Variants in EPS8 observed in about 807,000 individuals in gnomAD.
EPS8 encodes epidermal growth factor receptor kinase substrate 8.
Under a neutral mutation model 103.8 loss-of-function variants are expected in EPS8, and 42 were observed. The ratio of observed to expected loss-of-function variants is 0.40; its 90% CI spans 0.32 to 0.52. The LOEUF is 0.52. Among genes scored for constraint, EPS8 ranks in the 20% least tolerant of loss-of-function variants. The probability of loss-of-function intolerance (pLI) is 0.40; values close to 1 mark genes in which losing one functional copy is unlikely to be tolerated. For synonymous variants in EPS8, 344 were observed against 344.6 expected (o/e 1.00, Z 0.02); for missense variants, 969 against 1,005.1 (o/e 0.96, Z 0.49).
At chr12:15,715,034 C>A (rs1468791724) in intron 1 of EPS8, among the ~76,000 whole-genome samples, 2 of 152,180 alleles carry the variant, frequency 1.3e-5, no homozygotes, top group African/African-American at 4.8e-5. Flanking sequence ...ACATGCCACC[C>A]ACATCTCCTT....
At chr12:15,689,135 C>CTT (rs145792961) in intron 1 of EPS8, among the ~76,000 whole-genome samples, 250 of 146,784 alleles carry the variant, frequency 1.7e-3, no homozygotes, top group African/African-American at 6.0e-3. Flanking sequence ...ACTTATATCC[C>CTT]TTTTTTTTTT....
Position 15,769,196 on chromosome 12 carries a change from T to C in EPS8, c.-22+19965A>G, listed in dbSNP as rs1227543103. 6.6e-6 allele frequency among the ~76,000 whole-genome samples: 1 copy of C among 152,106 alleles called. No homozygotes were observed. The highest frequency in any genetic ancestry group is 1.5e-5 in the Non-Finnish European group (1 of 68,020). On this transcript the variant is annotated intron_variant, in intron 1 of 20. Coordinates refer to ENST00000281172, the MANE Select transcript of EPS8 (RefSeq NM_004447.6). The surrounding 1 kb of genome is among the most constrained non-coding windows in gnomAD (Gnocchi z 4.6). ...GAAAAAAACAGGAGTTCTCTGTCTA[T>C]AGAATAATGTTGGCAAAATAAATTG...
At chr12:15,625,583 A>T (rs891452302) in intron 18 of EPS8, among the ~76,000 whole-genome samples, 2 of 151,838 alleles carry the variant, frequency 1.3e-5, no homozygotes, top group African/African-American at 4.8e-5. Flanking sequence ...ACTTTGCTAA[A>T]CTCCAGCCAA....
At chr12:15,639,275 G>A (rs1253028188) in intron 17 of EPS8, among the ~76,000 whole-genome samples, 1 of 152,020 alleles carries the variant, frequency 6.6e-6, no homozygotes, top group Non-Finnish European at 1.5e-5. Flanking sequence ...GAAAGAAAAT[G>A]AAGAACTGGT....
chr12:15,643,242 A>T (rs1377355903), intron 15 of EPS8, among the ~76,000 whole-genome samples: 1 of 152,136 alleles, frequency 6.6e-6, no homozygotes, highest in Non-Finnish European at 1.5e-5. Context: ...GATCTGCAAG[A>T]TAATCACTAT....
rs1169519515 is a variant in EPS8 at position 15,749,505 on chromosome 12, G to C, written c.-22+39656C>G. ...AATTTGTTTCCAAGATATATGTTCA[G>C]TCCAAAATAGAAAATAATCTCCTTA... On this transcript the variant is annotated intron_variant, in intron 1 of 20. Coordinates refer to ENST00000281172, the MANE Select transcript of EPS8 (RefSeq NM_004447.6). This position sits in a 1 kb window ranked among gnomAD's most constrained non-coding sequence, Gnocchi z 4.0. Among the ~76,000 whole-genome samples the C allele has an allele frequency of 6.6e-6, 1 of 152,098 alleles. No individual in the cohort carries two copies. Among genetic ancestry groups the C allele is most frequent in the East Asian group, 1.9e-4 (1 of 5,194 alleles).
At chr12:15,671,186 T>C (rs1253412619) in intron 3 of EPS8, among the ~76,000 whole-genome samples, 5 of 152,176 alleles carry the variant, frequency 3.3e-5, no homozygotes, top group African/African-American at 1.2e-4. Context: ...ATAAATATTA[T>C]AAGAAAAAAA....
intron 16 of EPS8, 78 bp downstream of exon 16, chr12:15,641,644 A>G: frequency 6.4e-6 from 4 of 620,504 alleles, no homozygotes; most frequent in Middle Eastern, 4.5e-4. Context: ...CTTTTGAAGG[A>G]AAGTTTAGTT....
rs112408195 is a variant in EPS8 at position 15,654,025 on chromosome 12, AG to A, written c.1250+119del. 9.3e-4 allele frequency: 850 copies of A among 912,438 alleles called. 13 individuals carry two copies. The African/African-American group carries it at 0.013, about 14-fold the overall frequency. The allele number at this position is 912,438 out of a possible 1,614,324, so 56.5% of individuals were successfully genotyped here. On this transcript the variant is annotated intron_variant, in intron 13 of 20. Transcript: ENST00000281172. ...CTAGACTTCTAGCCTTTAAGGGTTTAGGTTTTTTCATCCTATGACGCTTAGT... is the reference window on the plus strand; with the variant it reads ...CTAGACTTCTAGCCTTTAAGGGTTTAGTTTTTTCATCCTATGACGCTTAGT...
In EPS8 at chr12:15,666,171, A is replaced by G. The variant is rs368356426; in HGVS notation, c.599+269T>C. 5.3e-5 allele frequency among the ~76,000 whole-genome samples: 8 copies of G among 152,318 alleles called. No individual in the cohort carries two copies. The South Asian group carries it at 8.3e-4, about 16-fold the overall frequency. ...CCTACTGTCTAGCTTGTATTTCCCT[A>G]GGATACCTTCTCTTAAAATGCCACT... On this transcript the variant is annotated intron_variant, in intron 7 of 20. Coordinates refer to ENST00000281172, the MANE Select transcript of EPS8 (RefSeq NM_004447.6).
At chr12:15,645,653 C>T (rs1201469502) in intron 15 of EPS8, among the ~76,000 whole-genome samples, 1 of 152,036 alleles carries the variant, frequency 6.6e-6, no homozygotes, top group Non-Finnish European at 1.5e-5. Flanking sequence ...AAATAAATGG[C>T]AGAGGTTATT....
At position 15,759,336 on chromosome 12, in the gene EPS8, A is replaced by G. The variant is rs1410175142; in HGVS notation, c.-22+29825T>C. On this transcript the variant is annotated intron_variant, in intron 1 of 20. Transcript: ENST00000281172. The surrounding 1 kb of genome is among the most constrained non-coding windows in gnomAD (Gnocchi z 4.9). ...TATGCTTTGAAGGCAACAATTAGCT[A>G]TACTTCCATAATTTTGATCTGATTC... Among the ~76,000 whole-genome samples the G allele has an allele frequency of 6.6e-6, 1 of 152,136 alleles. No individual in the cohort carries two copies.
At position 15,727,015 on chromosome 12, in the gene EPS8, A is replaced by G. The variant is rs568417665; in HGVS notation, c.-21-44043T>C. Reference sequence around the variant, plus strand: ...TAAACATATGACAACTTAGATTTCAATTGTTAAACAGTTAAGAATGACTAC... The same window carrying G: ...TAAACATATGACAACTTAGATTTCAGTTGTTAAACAGTTAAGAATGACTAC... On this transcript the variant is annotated intron_variant, in intron 1 of 20. Coordinates refer to ENST00000281172, the MANE Select transcript of EPS8 (RefSeq NM_004447.6). This position sits in a 1 kb window ranked among gnomAD's most constrained non-coding sequence, Gnocchi z 4.3. Among the ~76,000 whole-genome samples, 28 of 152,230 alleles carry G rather than the reference A, an allele frequency of 1.8e-4. No individual in the cohort carries two copies. The highest frequency in any genetic ancestry group is 3.4e-4 in the Non-Finnish European group (23 of 68,034).
rs1946502881 is a variant in EPS8 at position 15,714,225 on chromosome 12, T to G, written c.-21-31253A>C. Reference sequence around the variant, plus strand: ...AATTGAGTGCTCAACTGATTTTTAATATGAAGACACCAAAAAAGTATATTT... The same window carrying G: ...AATTGAGTGCTCAACTGATTTTTAAGATGAAGACACCAAAAAAGTATATTT... On this transcript the variant is annotated intron_variant, in intron 1 of 20. Transcript: ENST00000281172. The surrounding 1 kb of genome is among the most constrained non-coding windows in gnomAD (Gnocchi z 4.1). Among the ~76,000 whole-genome samples the G allele has an allele frequency of 1.3e-5, 2 of 151,914 alleles. No homozygotes were observed. Among genetic ancestry groups the G allele is most frequent in the Admixed American group, 1.3e-4 (2 of 15,254 alleles).
intron 1 of EPS8, among the ~76,000 whole-genome samples, chr12:15,741,964 T>A (rs1946828824): frequency 6.6e-6 from 1 of 152,152 alleles, no homozygotes; most frequent in African/African-American, 2.4e-5. Flanking sequence ...ACATGCAGTG[T>A]TTGGTTTTCT....
chr12:15,774,866 T>C (rs1448973012), intron 1 of EPS8, among the ~76,000 whole-genome samples: 1 of 151,964 alleles, frequency 6.6e-6, no homozygotes, highest in Non-Finnish European at 1.5e-5. Context: ...TAGTTCAGTG[T>C]ATAATGGCCC....
In EPS8 at chr12:15,735,488, G is replaced by A. The variant is rs971861695; in HGVS notation, c.-21-52516C>T. On this transcript the variant is annotated intron_variant, in intron 1 of 20. Coordinates refer to ENST00000281172, the MANE Select transcript of EPS8 (RefSeq NM_004447.6). This position sits in a 1 kb window ranked among gnomAD's most constrained non-coding sequence, Gnocchi z 4.4. Reference sequence around the variant, plus strand: ...TTAATCCTTACAGTAACCCTAGGAAGTACTGAAAAAGCTAACATTCTAAGA... The same window carrying A: ...TTAATCCTTACAGTAACCCTAGGAAATACTGAAAAAGCTAACATTCTAAGA... Among the ~76,000 whole-genome samples, 14 of 152,132 alleles carry A rather than the reference G, an allele frequency of 9.2e-5. No homozygotes were observed. The highest frequency in any genetic ancestry group is 8.5e-4 in the Admixed American group (13 of 15,270).
chr12:15,775,500 T>C (rs1030546466), intron 1 of EPS8, among the ~76,000 whole-genome samples: 3 of 152,174 alleles, frequency 2.0e-5, no homozygotes, highest in African/African-American at 7.2e-5. Context: ...AATAGACTTA[T>C]TTTATAAATC....
At chr12:15,773,762 GA>G (rs1373663629) in intron 1 of EPS8, among the ~76,000 whole-genome samples, 4 of 152,140 alleles carry the variant, frequency 2.6e-5, no homozygotes, top group Non-Finnish European at 5.9e-5. Flanking sequence ...ATAGGAAGAA[GA>G]AAGAAGTTCC....
Sources: allele counts gnomAD v4.1 joint callset (sites outside exome capture counted in the v4.1 genomes callset), GRCh38; gene constraint gnomAD v4.1.1; non-coding constraint Gnocchi (gnomAD v3.1); transcripts MANE v1.5; gene names NCBI Gene and HGNC (gene_info 2026-07-23, HGNC 2026-07-21).